The following CHAMP1 variants were observed in gnomAD, a reference collection of about 807,000 sequenced individuals.
CHAMP1 encodes the protein chromosome alignment-maintaining phosphoprotein 1.
A neutral mutation model predicts 54.5 loss-of-function variants in CHAMP1; 4 were observed. The ratio of observed to expected loss-of-function variants is 0.07; its 90% confidence interval spans 0.04 to 0.17. The LOEUF is 0.17. Among genes scored for constraint, CHAMP1 ranks in the 10% least tolerant of loss-of-function variants. The pLI is 1.00. For missense variants in CHAMP1, 994 were observed against 968.6 expected (o/e 1.03, Z -0.35); for synonymous variants, 368 against 342.2 (o/e 1.08, Z -0.83).
intron 1 of CHAMP1, among the ~76,000 whole-genome samples, chr13:114,317,001 A>T (rs963652405): frequency 6.6e-6 from 1 of 151,998 alleles, no homozygotes; most frequent in African/African-American, 2.4e-5. Flanking sequence ...TTGGAAAATT[A>T]GTTTATTAAT....
In CHAMP1 at chr13:114,325,277, C is replaced by T. The variant is rs1555379769; in HGVS notation, c.1435C>T (p.Leu479Phe). 3 of 1,614,178 alleles carry T rather than the reference C, an allele frequency of 1.9e-6. No individual in the cohort carries two copies. Among genetic ancestry groups the T allele is most frequent in the East Asian group, 2.2e-5 (1 of 44,888 alleles). Residue 479 changes from leucine (L) to phenylalanine (F), a missense_variant, in exon 3 of 3, where the codon CTC becomes TTC. Coordinates refer to ENST00000361283, the MANE Select transcript of CHAMP1 (RefSeq NM_032436.4). ...QKSSRGGSPD[L>F]WKSSFFIEPQ... The stretch of plus-strand genomic sequence containing the variant: ...AAGTTCCCGTGGTGGTTCTCCTGAT[C>T]TCTGGAAGTCTTCCTTTTTTATTGA...
chr13:114,320,912 C>T (rs1476277226), intron 1 of CHAMP1, among the ~76,000 whole-genome samples, 198 bp from the exon 2 acceptor site: 12 of 150,258 alleles, frequency 8.0e-5, no homozygotes, highest in Admixed American at 3.3e-4. Context: ...GCCGAGATCG[C>T]GCCACTGCAC....
intron 1 of CHAMP1, among the ~76,000 whole-genome samples, chr13:114,315,284 G>A (rs1011585945): frequency 3.0e-4 from 46 of 152,172 alleles, no homozygotes; most frequent in African/African-American, 1.1e-3. Context: ...GAGTGTTGGG[G>A]ATGTGGAGAA....
In CHAMP1 at chr13:114,324,002, T is replaced by G. The variant is rs1555379338; in HGVS notation, c.160T>G (p.Phe54Val). 6.2e-7 allele frequency: 1 copy of G among 1,614,182 alleles called. No homozygotes were observed. The highest frequency in any genetic ancestry group is 1.1e-5 in the South Asian group (1 of 91,084). The change falls in exon 3 of 3, where the codon TTT becomes GTT. Residue 54 changes from phenylalanine to valine, a missense_variant. Around this residue, in one of 3 missense-constraint regions of CHAMP1, gnomAD observed 84 missense variants for 120.7 expected, o/e 0.70. Coordinates refer to ENST00000361283, the MANE Select transcript of CHAMP1 (RefSeq NM_032436.4). ...TGCTGGTGGGCTAGGCAAAATGATATTTTACCAGAAAAGTGCAAAGTTATT... is the reference window on the plus strand; with the variant it reads ...TGCTGGTGGGCTAGGCAAAATGATAGTTTACCAGAAAAGTGCAAAGTTATT... Reference protein sequence around the residue: ...MDAGGLGKMIFYQKSAKLFHC... With the variant: ...MDAGGLGKMIVYQKSAKLFHC...
At chr13:114,316,589 C>A (rs1218266439) in intron 1 of CHAMP1, among the ~76,000 whole-genome samples, 1 of 148,828 alleles carries the variant, frequency 6.7e-6, no homozygotes, top group Non-Finnish European at 1.5e-5. Flanking sequence ...GACTCCCTCT[C>A]AAAAAAAAAT....
At chr13:114,322,317 A>C (rs147599737) in intron 2 of CHAMP1, 1 of 152,148 alleles carries the variant, frequency 6.6e-6, no homozygotes, top group African/African-American at 2.4e-5. Context: ...GATTACAGGC[A>C]TGAGCCACTG....
chr13:114,316,021 AG>A, intron 1 of CHAMP1, among the ~76,000 whole-genome samples: 1 of 150,826 alleles, frequency 6.6e-6, no homozygotes. Context: ...TTTTTAGTAG[AG>A]ATAGGGTTTC....
rs528286747 is a variant in CHAMP1, at chr13:114,319,716, G to A, written c.-178-1394G>A. The stretch of plus-strand genomic sequence containing the variant: ...GTATGTGTGGATTTTGGCATATGGG[G>A]GAAGTCCTGGAACCAGGTCCCTGTG... On this transcript the variant is annotated intron_variant, in intron 1 of 2. Transcript: ENST00000361283. 1.1e-4 allele frequency among the ~76,000 whole-genome samples: 16 copies of A among 152,336 alleles called. No individual in the cohort carries two copies. The South Asian group carries it at 3.3e-3, about 32-fold the overall frequency.
intron 1 of CHAMP1, among the ~76,000 whole-genome samples, chr13:114,320,509 G>C (rs1031567601): frequency 6.6e-6 from 1 of 152,182 alleles, no homozygotes; most frequent in Non-Finnish European, 1.5e-5. Context: ...GCAGTCTTCT[G>C]AGTGCTTATC....
Position 114,325,760 on chromosome 13 carries a change from G to T in CHAMP1, c.1918G>T (p.Asp640Tyr), listed in dbSNP as rs1035968149. ...ELSSSEYIKT[D>Y]LDAMDIKGQE... ...TAGTAGTAGTGAGTACATAAAAACA[G>T]ATTTGGATGCGATGGATATTAAGGG... The change falls in exon 3 of 3, where the codon GAT (aspartate) becomes TAT (tyrosine). Residue 640 changes from aspartate to tyrosine, a missense_variant. Around this residue, in one of 3 missense-constraint regions of CHAMP1, gnomAD observed 851 missense variants for 701.3 expected, o/e 1.21. Transcript: ENST00000361283. The T allele has an allele frequency of 2.5e-6, 4 of 1,614,028 alleles. No homozygotes were observed. The Admixed American group carries it at 6.7e-5, about 27-fold the overall frequency.
At position 114,325,581 on chromosome 13, in the gene CHAMP1, A is replaced by G; in HGVS notation, c.1739A>G (p.Asp580Gly). The G allele has an allele frequency of 6.2e-7, 1 of 1,614,200 alleles. No homozygotes were observed. Among genetic ancestry groups the G allele is most frequent in the Non-Finnish European group, 8.5e-7 (1 of 1,180,034 alleles). Residue 580 changes from aspartate to glycine, a missense_variant, in exon 3 of 3, where the codon GAT becomes GGT. Transcript: ENST00000361283. ...SESQKAVELG[D>G]ELQIDAIDDQ... The stretch of plus-strand genomic sequence containing the variant: ...TCACAGAAGGCTGTTGAGCTTGGTG[A>G]TGAACTACAAATAGATGCCATAGAT...
intron 2 of CHAMP1, chr13:114,322,530 G>T (rs1186367743): frequency 6.6e-6 from 1 of 152,158 alleles, no homozygotes; most frequent in Admixed American, 6.5e-5. Flanking sequence ...GCAAGGATTA[G>T]GAATTTATAG....
In CHAMP1 at chr13:114,325,016, T is replaced by C; in HGVS notation, c.1174T>C (p.Ser392Pro). The C allele has an allele frequency of 6.2e-7, 1 of 1,614,092 alleles. No homozygotes were observed. The highest frequency in any genetic ancestry group is 1.1e-5 in the South Asian group (1 of 91,080). Residue 392 changes from serine to proline, a missense_variant, in exon 3 of 3, where the codon TCT becomes CCT. Physicochemically the swap from Ser to Pro is moderately conservative, Grantham distance 74 (BLOSUM62 -1). Coordinates refer to ENST00000361283, the MANE Select transcript of CHAMP1 (RefSeq NM_032436.4). ...CCCTGCATCTCCTGAGTCATGGAAGTCTGGCCCACCAGAACTCCGAAAGAC... is the reference window on the plus strand; with the variant it reads ...CCCTGCATCTCCTGAGTCATGGAAGCCTGGCCCACCAGAACTCCGAAAGAC... ...SPPASPESWK[S>P]GPPELRKTAP...
intron 1 of CHAMP1, among the ~76,000 whole-genome samples, chr13:114,317,760 A>T (rs2087117116): frequency 1.3e-5 from 2 of 152,224 alleles, no homozygotes; most frequent in South Asian, 4.1e-4. Context: ...GTTTTAAAAG[A>T]TGATCAGTGG....
chr13:114,320,835 A>C (rs2087158363), intron 1 of CHAMP1, among the ~76,000 whole-genome samples: 1 of 152,090 alleles, frequency 6.6e-6, no homozygotes, highest in Admixed American at 6.6e-5. Flanking sequence ...GGGCGCCTGT[A>C]GTCCCAGCTA....
chr13:114,326,443 T>G lies in CHAMP1; in HGVS notation c.*162T>G, dbSNP rs1555380038. The G allele has an allele frequency of 1.3e-6, 1 of 787,886 alleles. No homozygotes were observed. The highest frequency in any genetic ancestry group is 1.9e-6 in the Non-Finnish European group (1 of 524,674). 48.8% of individuals were successfully genotyped at this position (787,886 alleles called of 1,614,324 possible). The stretch of plus-strand genomic sequence containing the variant: ...TAAGAATGAGCATTTGATCATTTTT[T>G]TCTGGTCTCTGTCTATGTGACTATC... On this transcript the variant is annotated 3_prime_UTR_variant, in exon 3 of 3. Coordinates refer to ENST00000361283, the MANE Select transcript of CHAMP1 (RefSeq NM_032436.4).
In CHAMP1 at chr13:114,324,386, G is replaced by A. The variant is rs141932275; in HGVS notation, c.544G>A (p.Val182Ile). 5.0e-6 allele frequency: 8 copies of A among 1,613,968 alleles called. No individual in the cohort carries two copies. In the African/African-American group the frequency reaches 5.3e-5, roughly 11 times the overall value. Residue 182 changes from valine to isoleucine, a missense_variant, in exon 3 of 3, where the codon GTT becomes ATT. Transcript: ENST00000361283. ...PSPEPSKPAS[V>I]SSPEPPKSVP... ...TCCTGAGCCTTCAAAACCTGCCTCT[G>A]TTTCTTCTCCTGAACCTCCAAAATC... is the stretch of plus-strand genomic sequence containing the variant.
rs2087211531 is a variant in CHAMP1 at position 114,324,369 on chromosome 13, C to G, written c.527C>G (p.Pro176Arg). Residue 176 changes from proline to arginine, a missense_variant, in exon 3 of 3, where the codon CCT (proline) becomes CGT (arginine). Pro to Arg is a moderately radical substitution (Grantham distance 103). Transcript: ENST00000361283. ...CAGACACCTCTTCCTTCTCCTGAGC[C>G]TTCAAAACCTGCCTCTGTTTCTTCT... ...ELQTPLPSPE[P>R]SKPASVSSPE... The G allele has an allele frequency of 6.2e-7, 1 of 1,614,012 alleles. No homozygotes were observed.
Position 114,324,753 on chromosome 13 carries a change from C to T in CHAMP1, c.911C>T (p.Ala304Val), listed in dbSNP as rs782422313. Residue 304 changes from alanine (A) to valine (V), a missense_variant, in exon 3 of 3, where the codon GCC becomes GTC. Ala to Val is a moderately conservative substitution (Grantham distance 64). Coordinates refer to ENST00000361283, the MANE Select transcript of CHAMP1 (RefSeq NM_032436.4). The stretch of plus-strand genomic sequence containing the variant: ...GTCTCCCCAGAGCCTAGGAGACCAG[C>T]CCCCGCTGTGTCACCAGGCTCTTGG... ...PAVSPEPRRPAPAVSPGSWKP... is the reference protein window; with the variant it reads ...PAVSPEPRRPVPAVSPGSWKP... 3.7e-6 allele frequency: 6 copies of T among 1,613,804 alleles called. No individual in the cohort carries two copies. The highest frequency in any genetic ancestry group is 2.2e-5 in the South Asian group (2 of 91,080).
Sources: allele counts gnomAD v4.1 joint callset (sites outside exome capture counted in the v4.1 genomes callset), GRCh38; gene constraint gnomAD v4.1.1; regional missense constraint gnomAD v4.1.1; transcripts MANE v1.5; gene names NCBI Gene and HGNC (gene_info 2026-07-23, HGNC 2026-07-21).